Variants in FYB1 observed in about 807,000 individuals in gnomAD.
FYB1 encodes the protein FYN binding protein 1.
Under a neutral mutation model 94.1 loss-of-function variants are expected in FYB1, and 41 were observed. The ratio of observed to expected loss-of-function variants is 0.44; its 90% CI spans 0.34 to 0.57. FYB1 has a LOEUF of 0.57. Among genes scored for constraint, FYB1 ranks in the 20% least tolerant of loss-of-function variants. The pLI is 0.02. For missense variants in FYB1, 1,050 were observed against 976.8 expected, an observed-to-expected ratio of 1.07 and a Z score of -1.00; for synonymous variants, 367 against 353.2, an observed-to-expected ratio of 1.04 and a Z score of -0.44.
intron 1 of FYB1, among the ~76,000 whole-genome samples, chr5:39,238,945 G>T (rs1417435451): frequency 6.6e-6 from 1 of 152,028 alleles, no homozygotes; most frequent in African/African-American, 2.4e-5. Flanking sequence ...CACCTGACTT[G>T]CTCATGGAGA....
intron 2 of FYB1, among the ~76,000 whole-genome samples, chr5:39,198,445 A>C (rs996869793): frequency 4.6e-5 from 7 of 152,196 alleles, no homozygotes; most frequent in African/African-American, 1.4e-4. Flanking sequence ...AAAAGACATA[A>C]ACATTTTGAA....
At chr5:39,199,655 G>T (rs1216746402) in intron 2 of FYB1, among the ~76,000 whole-genome samples, 1 of 152,066 alleles carries the variant, frequency 6.6e-6, no homozygotes, top group Non-Finnish European at 1.5e-5. Flanking sequence ...CCGGGGTGGG[G>T]GGTAGTATTT....
At chr5:39,150,956 CAAGAT>C (rs1279334786) in intron 3 of FYB1, among the ~76,000 whole-genome samples, 1 of 152,184 alleles carries the variant, frequency 6.6e-6, no homozygotes, top group African/African-American at 2.4e-5. Flanking sequence ...CCATTTCACT[CAAGAT>C]AAGCGCTGCA....
At chr5:39,165,905 G>A (rs1010687634) in intron 2 of FYB1, among the ~76,000 whole-genome samples, 1 of 152,158 alleles carries the variant, frequency 6.6e-6, no homozygotes, top group Non-Finnish European at 1.5e-5. Context: ...CCAGAGAATT[G>A]CAAATTAAAA....
At chr5:39,258,807 A>G (rs1579800274) in intron 1 of FYB1, among the ~76,000 whole-genome samples, 1 of 152,238 alleles carries the variant, frequency 6.6e-6, no homozygotes, top group African/African-American at 2.4e-5. Flanking sequence ...ACACTTAAAA[A>G]GAAGATAAAT....
chr5:39,218,203 G>A (rs1198815909), intron 1 of FYB1, among the ~76,000 whole-genome samples: 1 of 152,114 alleles, frequency 6.6e-6, no homozygotes, highest in African/African-American at 2.4e-5. Context: ...TGAAACGGAT[G>A]GTCAACTTTT....
intron 1 of FYB1, among the ~76,000 whole-genome samples, chr5:39,237,217 C>A (rs1751004158): frequency 6.6e-6 from 1 of 152,004 alleles, no homozygotes; most frequent in African/African-American, 2.4e-5. Flanking sequence ...TAGCCAGAGG[C>A]ACCACAAAAG....
intron 16 of FYB1, among the ~76,000 whole-genome samples, chr5:39,113,745 T>C (rs1739279865): frequency 6.6e-6 from 1 of 152,136 alleles, no homozygotes; most frequent in Non-Finnish European, 1.5e-5. Flanking sequence ...AAATTAAATG[T>C]ACTCAATTTG....
chr5:39,227,951 G>A (rs1039914106), intron 1 of FYB1, among the ~76,000 whole-genome samples: 11 of 152,158 alleles, frequency 7.2e-5, no homozygotes, highest in Non-Finnish European at 4.4e-5. Context: ...CCTTGAGAGG[G>A]CCAACTGGGA....
chr5:39,134,730 C>T, intron 8 of FYB1, 125 bp downstream of exon 8: 5 of 939,238 alleles, frequency 5.3e-6, no homozygotes, highest in African/African-American at 1.7e-5. Flanking sequence ...TAACATTTTC[C>T]TCCCTTTGTC....
At chr5:39,210,831 C>T (rs937783663) in intron 1 of FYB1, among the ~76,000 whole-genome samples, 3 of 152,104 alleles carry the variant, frequency 2.0e-5, no homozygotes, top group Non-Finnish European at 4.4e-5. Flanking sequence ...AGCAACGTGG[C>T]GAGAGCCTGT....
intron 1 of FYB1, among the ~76,000 whole-genome samples, chr5:39,232,392 A>G (rs1465179116): frequency 1.3e-5 from 2 of 152,114 alleles, no homozygotes; most frequent in African/African-American, 2.4e-5. Context: ...TCTCCTTGCA[A>G]TAACCCACAG....
chr5:39,147,581 C>G (rs1742782055), intron 3 of FYB1, among the ~76,000 whole-genome samples: 2 of 151,606 alleles, frequency 1.3e-5, no homozygotes, highest in South Asian at 4.2e-4. Flanking sequence ...TCTCACCTGT[C>G]TCGAATCTTT....
intron 14 of FYB1, among the ~76,000 whole-genome samples, chr5:39,121,690 T>A (rs1203207388): frequency 6.6e-6 from 1 of 152,142 alleles, no homozygotes; most frequent in African/African-American, 2.4e-5. Context: ...TTATTCTCTA[T>A]TTCAAAAAAA....
chr5:39,250,583 T>G (rs4957167), intron 1 of FYB1: 20,612 of 152,180 alleles, frequency 0.14, 1,594 homozygotes, highest in African/African-American at 0.2. Flanking sequence ...GTAGGACTTT[T>G]CATGTTCTTG....
At chr5:39,126,896 T>C (rs1463250061) in intron 11 of FYB1, among the ~76,000 whole-genome samples, 1 of 150,868 alleles carries the variant, frequency 6.6e-6, no homozygotes, top group Non-Finnish European at 1.5e-5. Context: ...CCGTCTCTAC[T>C]AAAAATATGA....
intron 13 of FYB1, among the ~76,000 whole-genome samples, chr5:39,122,788 TG>T (rs1740253472): frequency 1.3e-5 from 2 of 152,156 alleles, no homozygotes; most frequent in South Asian, 4.1e-4. Context: ...GAGATTCTTA[TG>T]GGATTTAGGG....
intron 11 of FYB1, among the ~76,000 whole-genome samples, chr5:39,126,890 C>G (rs1248401205): frequency 6.6e-6 from 1 of 150,992 alleles, no homozygotes; most frequent in Admixed American, 6.6e-5. Context: ...GAAAACCCGT[C>G]TCTACTAAAA....
intron 3 of FYB1, among the ~76,000 whole-genome samples, chr5:39,146,501 AT>A: frequency 6.6e-6 from 1 of 152,280 alleles, no homozygotes; most frequent in Non-Finnish European, 1.5e-5. Context: ...TAGGCTTTTG[AT>A]TTTTTTGATG....
Sources: gnomAD v4.1 joint callset for allele counts (sites outside exome capture counted in the v4.1 genomes callset) on GRCh38, gnomAD v4.1.1 for gene constraint, MANE v1.5 for transcripts, NCBI Gene and HGNC (gene_info 2026-07-23, HGNC 2026-07-21) for gene names.